Variants in LZTFL1 observed in about 807,000 individuals in gnomAD.
LZTFL1 encodes leucine zipper transcription factor like 1, also known as leucine zipper transcription factor-like protein 1.
Under a neutral mutation model 45.9 loss-of-function variants are expected in LZTFL1, and 25 were observed. The observed-to-expected ratio is 0.54, with a 90% CI of 0.40 to 0.76. The LOEUF (loss-of-function observed/expected upper bound fraction) is 0.76. LZTFL1 is among the 30% of genes least tolerant of loss of function. LZTFL1 has a pLI of 0.00. For missense variants in LZTFL1, 277 were observed against 331.1 expected (o/e 0.84, Z 1.27); for synonymous variants, 93 against 117.4 (o/e 0.79, Z 1.35).
At chr3:45,874,461 G>T (rs146995722) in intron 2 of LZTFL1, among the ~76,000 whole-genome samples, 8 of 152,262 alleles carry the variant, frequency 5.3e-5, no homozygotes, top group African/African-American at 1.4e-4. Context: ...CTTAGGGGAT[G>T]CTCTTTCCTA....
chr3:45,892,955 G>T (rs189442606), intron 2 of LZTFL1, among the ~76,000 whole-genome samples: 2 of 152,208 alleles, frequency 1.3e-5, no homozygotes, highest in East Asian at 3.9e-4. Context: ...GCTTTTTCCT[G>T]CCTTACTTGA....
intron 8 of LZTFL1, among the ~76,000 whole-genome samples, chr3:45,828,199 A>G (rs968878384): frequency 6.6e-5 from 10 of 152,228 alleles, no homozygotes; most frequent in African/African-American, 2.2e-4. Flanking sequence ...ACAGAGGAGC[A>G]TTTCACTACA....
chr3:45,901,723 T>G lies in LZTFL1; in HGVS notation c.-215+11397A>C. ...ACCATCGCCTTCTTCCACAGTTGCC[T>G]GAACCCTGTTCTCTATGTTTTTGTG... On this transcript the variant is annotated intron_variant, in intron 2 of 4. Coordinates refer to the LZTFL1 transcript ENST00000472635. This position sits in a 1 kb window ranked among gnomAD's most constrained non-coding sequence, Gnocchi z 4.3. 2.5e-6 allele frequency: 4 copies of G among 1,614,218 alleles called. No homozygotes were observed. The highest frequency in any genetic ancestry group is 3.4e-6 in the Non-Finnish European group (4 of 1,180,024).
chr3:45,854,934 C>T, intron 4 of LZTFL1: 1 of 1,326,382 alleles, frequency 7.5e-7, no homozygotes, highest in Non-Finnish European at 1.0e-6. Context: ...AAAACAGGAA[C>T]AACCACCACC....
intron 2 of LZTFL1, among the ~76,000 whole-genome samples, chr3:45,874,237 C>G (rs891382347): frequency 1.3e-5 from 2 of 152,168 alleles, no homozygotes; most frequent in African/African-American, 4.8e-5. Context: ...ACAACTATTT[C>G]ATGAAAATGA....
chr3:45,879,211 GTTCACGGCAACTTTA>G (rs1196274933), intron 2 of LZTFL1, among the ~76,000 whole-genome samples: 1 of 152,214 alleles, frequency 6.6e-6, no homozygotes, highest in Non-Finnish European at 1.5e-5. Context: ...GCACACAGAT[GTTCACGGCAACTTTA>G]TTCATAATTG....
intron 2 of LZTFL1, chr3:45,894,991 C>T: frequency 6.2e-7 from 1 of 1,604,526 alleles, no homozygotes; most frequent in East Asian, 2.2e-5. Context: ...CCTCAAAACA[C>T]ACACTCATCT....
intron 2 of LZTFL1, among the ~76,000 whole-genome samples, chr3:45,885,339 GT>G (rs1473331395): frequency 6.6e-6 from 1 of 152,198 alleles, no homozygotes; most frequent in African/African-American, 2.4e-5. Context: ...CAGGATTGAA[GT>G]CCCCACTGTA....
chr3:45,847,573 G>A (rs527977935), intron 4 of LZTFL1, among the ~76,000 whole-genome samples: 141 of 152,320 alleles, frequency 9.3e-4, no homozygotes, highest in Middle Eastern at 3.4e-3. Flanking sequence ...AACTTTAAAA[G>A]TCAGTCCCTT....
intron 2 of LZTFL1, among the ~76,000 whole-genome samples, chr3:45,837,125 A>C (rs1349934844): frequency 2.0e-5 from 3 of 152,254 alleles, no homozygotes; most frequent in Admixed American, 2.0e-4. Context: ...ATAATTCTTT[A>C]ATGTTTCATC....
At chr3:45,895,782 T>A (rs368860263) in intron 2 of LZTFL1, among the ~76,000 whole-genome samples, 1 of 152,114 alleles carries the variant, frequency 6.6e-6, no homozygotes, top group African/African-American at 2.4e-5. Context: ...TACAGCCGAA[T>A]GTAATTAAGT....
chr3:45,894,483 G>C (rs1702287767), intron 2 of LZTFL1, among the ~76,000 whole-genome samples: 1 of 152,198 alleles, frequency 6.6e-6, no homozygotes. Flanking sequence ...TTAGCTGATA[G>C]AGCAGGGGGA....
intron 5 of LZTFL1, chr3:45,832,782 A>G: frequency 3.6e-6 from 1 of 277,526 alleles, no homozygotes; most frequent in Non-Finnish European, 6.8e-6. Flanking sequence ...ACCGCAGATC[A>G]CAAACTTTAA....
At chr3:45,833,021 C>G (rs1387313934) in intron 5 of LZTFL1, 29 bp downstream of exon 5, 1 of 1,540,046 alleles carries the variant, frequency 6.5e-7, no homozygotes, top group South Asian at 1.1e-5. Context: ...GAATGAGAGA[C>G]TTTCCGTTTC....
At chr3:45,868,659 G>A (rs998660624) in intron 2 of LZTFL1, among the ~76,000 whole-genome samples, 2 of 152,162 alleles carry the variant, frequency 1.3e-5, no homozygotes, top group African/African-American at 2.4e-5. Flanking sequence ...CAGTGGTAGG[G>A]GGGGTAAACC....
intron 2 of LZTFL1, among the ~76,000 whole-genome samples, chr3:45,874,474 G>C (rs1403736531): frequency 6.6e-6 from 1 of 152,106 alleles, no homozygotes; most frequent in Non-Finnish European, 1.5e-5. Flanking sequence ...CTTTCCTATG[G>C]CTTTGAATGG....
chr3:45,868,221 C>CAA (rs544457959), intron 2 of LZTFL1, among the ~76,000 whole-genome samples: 1 of 138,764 alleles, frequency 7.2e-6, no homozygotes. Context: ...AATTTTTTTG[C>CAA]AAAAAAAAAA....
intron 3 of LZTFL1, chr3:45,835,275 C>T: frequency 4.5e-6 from 1 of 221,844 alleles, no homozygotes; most frequent in East Asian, 1.1e-4. Context: ...CTTAGTTGAC[C>T]AATCTATAAA....
At position 45,828,622 on chromosome 3, in the gene LZTFL1, A is replaced by G. The variant is rs1203699704; in HGVS notation, c.601-7T>C. The G allele has an allele frequency of 2.5e-6, 4 of 1,594,770 alleles. No individual in the cohort carries two copies. The highest frequency in any genetic ancestry group is 3.4e-6 in the Non-Finnish European group (4 of 1,169,786). On this transcript the variant is annotated splice_region_variant and splice_polypyrimidine_tract_variant and intron_variant, in intron 7 of 9. Transcript: ENST00000296135. The stretch of plus-strand genomic sequence containing the variant: ...CTTGGGCCTTTATAAAATCCTATGA[A>G]AAATAAATGCATGCATGTAATTTCA...
Sources: allele counts gnomAD v4.1 joint callset (sites outside exome capture counted in the v4.1 genomes callset), GRCh38; gene constraint gnomAD v4.1.1; non-coding constraint Gnocchi (gnomAD v3.1); transcripts MANE v1.5; gene names NCBI Gene and HGNC (gene_info 2026-07-23, HGNC 2026-07-21).